The following CTNNA3 variants were observed in gnomAD, a reference collection of about 807,000 sequenced individuals.
CTNNA3 encodes the protein catenin alpha 3, also known as catenin alpha-3.
In CTNNA3, 76 loss-of-function variants were observed where a neutral mutation model predicts 95.7. The observed-to-expected ratio is 0.79, with a 90% CI of 0.66 to 0.96. CTNNA3 has a LOEUF of 0.96. Ranked by LOEUF, CTNNA3 falls within the 40% of genes least tolerant of loss-of-function variation. The probability of loss-of-function intolerance (pLI) is 0.00; values close to 1 mark genes in which losing one functional copy is unlikely to be tolerated. For missense variants in CTNNA3, 1,191 were observed against 1,089.8 expected (o/e 1.09, Z -1.31); for synonymous variants, 431 against 374.4 (o/e 1.15, Z -1.74).
intron 7 of CTNNA3, among the ~76,000 whole-genome samples, chr10:66,879,900 C>G (rs891063777): frequency 6.6e-6 from 1 of 151,840 alleles, no homozygotes; most frequent in Admixed American, 6.6e-5. Context: ...TAGCCTGGAG[C>G]CAAACAATAA....
intron 3 of CTNNA3, among the ~76,000 whole-genome samples, chr10:67,595,429 T>C (rs765854946): frequency 1.6e-4 from 25 of 152,232 alleles, no homozygotes; most frequent in Non-Finnish European, 2.9e-5. Context: ...TTAATTTTCA[T>C]GTCATTGTAT....
chr10:66,583,418 T>C (rs1462219998), intron 10 of CTNNA3, among the ~76,000 whole-genome samples: 1 of 151,874 alleles, frequency 6.6e-6, no homozygotes, highest in Non-Finnish European at 1.5e-5. Context: ...GCGGGGGTTG[T>C]ATGTTTCCAG....
At chr10:67,456,249 T>A (rs1366680614) in intron 5 of CTNNA3, among the ~76,000 whole-genome samples, 1 of 152,186 alleles carries the variant, frequency 6.6e-6, no homozygotes, top group Non-Finnish European at 1.5e-5. Context: ...GGCTCTTATC[T>A]CAATTCTTAC....
At chr10:66,675,642 A>C (rs1846825770) in intron 9 of CTNNA3, among the ~76,000 whole-genome samples, 1 of 152,084 alleles carries the variant, frequency 6.6e-6, no homozygotes, top group Non-Finnish European at 1.5e-5. Context: ...CTGGCCACTT[A>C]ATTAGTAAGA....
intron 7 of CTNNA3, among the ~76,000 whole-genome samples, chr10:66,901,067 A>G (rs116869415): frequency 0.02 from 2,992 of 152,320 alleles, 36 homozygotes; most frequent in Middle Eastern, 0.078. Flanking sequence ...ACTGCAAGAC[A>G]CATACTTGTC....
intron 12 of CTNNA3, among the ~76,000 whole-genome samples, chr10:66,363,637 A>T (rs977330377): frequency 1.3e-5 from 2 of 152,226 alleles, no homozygotes; most frequent in African/African-American, 4.8e-5. Flanking sequence ...AAAATTAAAA[A>T]CATATTAGGG....
intron 4 of CTNNA3, among the ~76,000 whole-genome samples, chr10:67,527,520 T>G (rs12357857): frequency 8.5e-5 from 13 of 152,254 alleles, no homozygotes; most frequent in African/African-American, 3.1e-4. Flanking sequence ...CAATTCTGAC[T>G]GAAAATTTTC....
rs191225223 is a variant in CTNNA3, at chr10:66,038,912, A to G, written c.2159+30396T>C. On this transcript the variant is annotated intron_variant, in intron 15 of 17. Transcript: ENST00000433211. The stretch of plus-strand genomic sequence containing the variant: ...TTAGTCAGAGCTATCAGGCAAGAGA[A>G]AGAAATAAAGGGCATCCGAATAGAA... Among the ~76,000 whole-genome samples the G allele has an allele frequency of 2.6e-5, 4 of 152,320 alleles. No individual in the cohort carries two copies. The East Asian group carries it at 7.7e-4, about 29-fold the overall frequency.
At chr10:66,901,420 A>G (rs1201343526) in intron 7 of CTNNA3, among the ~76,000 whole-genome samples, 1 of 152,194 alleles carries the variant, frequency 6.6e-6, no homozygotes, top group Non-Finnish European at 1.5e-5. Flanking sequence ...CACTGCAAAA[A>G]CATGCCAAAT....
chr10:67,001,990 G>C (rs1283421492), intron 7 of CTNNA3, among the ~76,000 whole-genome samples: 1 of 152,166 alleles, frequency 6.6e-6, no homozygotes, highest in Non-Finnish European at 1.5e-5. Flanking sequence ...AAATGGGTAT[G>C]AGTCTTAGAG....
intron 13 of CTNNA3, among the ~76,000 whole-genome samples, chr10:66,274,279 C>T (rs547981237): frequency 6.6e-6 from 1 of 152,194 alleles, no homozygotes; most frequent in African/African-American, 2.4e-5. Context: ...TTTCATGAGT[C>T]ACAATATCAT....
chr10:67,574,389 A>T (rs1425357123), intron 3 of CTNNA3, among the ~76,000 whole-genome samples: 2 of 151,694 alleles, frequency 1.3e-5, no homozygotes, highest in Non-Finnish European at 2.9e-5. Flanking sequence ...AATTTGAATT[A>T]TTTTTTGTTT....
chr10:67,697,682 T>C (rs1840993207), upstream of CTNNA3, among the ~76,000 whole-genome samples: 1 of 152,340 alleles, frequency 6.6e-6, no homozygotes, highest in South Asian at 2.1e-4. Context: ...TTACAGAATT[T>C]GGTGTTATCA....
At chr10:66,527,354 T>C (rs1337617418) in intron 10 of CTNNA3, among the ~76,000 whole-genome samples, 1 of 152,090 alleles carries the variant, frequency 6.6e-6, no homozygotes, top group Admixed American at 6.6e-5. Context: ...GCCTCCAAAT[T>C]TGTTCTTATT....
intron 5 of CTNNA3, among the ~76,000 whole-genome samples, chr10:67,256,375 C>T (rs1469949226): frequency 2.0e-5 from 3 of 152,080 alleles, no homozygotes; most frequent in Non-Finnish European, 4.4e-5. Flanking sequence ...ACTGCCTTAC[C>T]GAATGCCTTC....
At chr10:66,116,985 G>T (rs1396987091) in intron 13 of CTNNA3, among the ~76,000 whole-genome samples, 1 of 152,114 alleles carries the variant, frequency 6.6e-6, no homozygotes, top group African/African-American at 2.4e-5. Context: ...AATTCAACAT[G>T]AAATTTGGGT....
chr10:66,539,139 A>G (rs1208598114), intron 10 of CTNNA3, among the ~76,000 whole-genome samples: 1 of 152,106 alleles, frequency 6.6e-6, no homozygotes, highest in Non-Finnish European at 1.5e-5. Context: ...CTCAATCATC[A>G]AGGTTTATTA....
chr10:66,766,205 T>G (rs1315176503), intron 9 of CTNNA3, 59 bp downstream of exon 9: 2 of 1,529,640 alleles, frequency 1.3e-6, no homozygotes, highest in Non-Finnish European at 1.8e-6. Flanking sequence ...CAACCATAAA[T>G]GGAGAATGGG....
chr10:67,550,079 T>C (rs754346082), intron 3 of CTNNA3, among the ~76,000 whole-genome samples: 34 of 152,302 alleles, frequency 2.2e-4, no homozygotes, highest in Middle Eastern at 3.4e-3. Context: ...AAAAATTCTT[T>C]TTCAAAAATT....
Sources: allele counts gnomAD v4.1 joint callset (sites outside exome capture counted in the v4.1 genomes callset), GRCh38; gene constraint gnomAD v4.1.1; transcripts MANE v1.5; gene names NCBI Gene and HGNC (gene_info 2026-07-23, HGNC 2026-07-21).